ITCH: variants seen among roughly 807,000 people sequenced by gnomAD.
The protein encoded by ITCH is E3 ubiquitin-protein ligase Itchy homolog.
Under a neutral mutation model 126.8 loss-of-function variants are expected in ITCH, and 28 were observed. The ratio of observed to expected loss-of-function variants is 0.22; its 90% CI spans 0.16 to 0.30. The LOEUF is 0.30. ITCH is among the 10% of genes least tolerant of loss of function. ITCH has a pLI of 1.00. For synonymous variants in ITCH, 342 were observed against 340.0 expected (o/e 1.01, Z -0.06); for missense variants, 631 against 1,032.4 (o/e 0.61, Z 5.33).
intron 3 of ITCH, 125 bp from the exon 4 acceptor site, chr20:34,408,526 G>A (rs1978481124): frequency 1.2e-6 from 1 of 855,016 alleles, no homozygotes; most frequent in South Asian, 1.5e-5. Flanking sequence ...AAATTGGTAA[G>A]TATTTTAGAG....
At chr20:34,412,983 C>T (rs1163745993) in intron 5 of ITCH, among the ~76,000 whole-genome samples, 2 of 151,270 alleles carry the variant, frequency 1.3e-5, no homozygotes, top group Admixed American at 6.6e-5. Flanking sequence ...AATATTTTTA[C>T]AGATTTCCTT....
chr20:34,369,120 G>A (rs1601728842), intron 1 of ITCH, among the ~76,000 whole-genome samples: 1 of 152,122 alleles, frequency 6.6e-6, no homozygotes, highest in South Asian at 2.1e-4. Context: ...ACGAGGTCAG[G>A]AGTTCAAGAC....
At chr20:34,446,059 T>TCTACAGC (rs1984414469) in intron 11 of ITCH, among the ~76,000 whole-genome samples, 1 of 152,192 alleles carries the variant, frequency 6.6e-6, no homozygotes, top group East Asian at 1.9e-4. Context: ...AATATTGCAT[T>TCTACAGC]AATAGTGTAA....
rs1234128922 is a variant in ITCH, at chr20:34,511,530, C to G, written c.*3736C>G. The G allele has an allele frequency of 6.6e-6, 1 of 152,110 alleles. No homozygotes were observed. Among genetic ancestry groups the G allele is most frequent in the Non-Finnish European group, 1.5e-5 (1 of 68,032 alleles). 9.4% of individuals were successfully genotyped at this position (152,110 alleles called of 1,614,324 possible). A position where few individuals can be genotyped will look rare whatever the true frequency, so the allele number is the denominator to read the frequency against. On this transcript the variant is annotated 3_prime_UTR_variant, in exon 25 of 25. Transcript: ENST00000374864. Reference sequence around the variant, plus strand: ...CTTTTTTAAGTGGCAAGTTACAGCCCATCTGGATTGTGGTATTGTTCCCAG... The same window carrying G: ...CTTTTTTAAGTGGCAAGTTACAGCCGATCTGGATTGTGGTATTGTTCCCAG...
At chr20:34,397,312 C>T (rs370221296) in intron 3 of ITCH, among the ~76,000 whole-genome samples, 2 of 152,172 alleles carry the variant, frequency 1.3e-5, no homozygotes, top group Middle Eastern at 3.2e-3. Context: ...TGAGCCACCG[C>T]GTCCGGCCTG....
intron 2 of ITCH, among the ~76,000 whole-genome samples, chr20:34,376,939 A>G (rs1333099759): frequency 6.6e-6 from 1 of 152,142 alleles, no homozygotes; most frequent in Non-Finnish European, 1.5e-5. Context: ...AAACTGGGAT[A>G]TGGGAAGATA....
At chr20:34,501,547 G>T (rs1433024060) in intron 23 of ITCH, among the ~76,000 whole-genome samples, 3 of 152,074 alleles carry the variant, frequency 2.0e-5, no homozygotes, top group Non-Finnish European at 4.4e-5. Flanking sequence ...AGGCTGAGGC[G>T]GGCGGATCAC....
Position 34,420,130 on chromosome 20 carries a change from G to A in ITCH, c.476-4350G>A, listed in dbSNP as rs117533444. Among the ~76,000 whole-genome samples, 40 of 152,112 alleles carry A rather than the reference G, an allele frequency of 2.6e-4. No individual in the cohort carries two copies. In the East Asian group the frequency reaches 4.8e-3, roughly 18 times the overall value. ...GAAATTTACATAACATACAATTAACGGTTATATAAAGTGTACACCTTAATG... is the reference window on the plus strand; with the variant it reads ...GAAATTTACATAACATACAATTAACAGTTATATAAAGTGTACACCTTAATG... On this transcript the variant is annotated intron_variant, in intron 6 of 24. Transcript: ENST00000374864.
At chr20:34,380,194 G>A (rs371378694) in intron 2 of ITCH, among the ~76,000 whole-genome samples, 4 of 152,134 alleles carry the variant, frequency 2.6e-5, no homozygotes, top group African/African-American at 9.6e-5. Flanking sequence ...TTTGTGTCTG[G>A]TGTATTTCAC....
At position 34,477,853 on chromosome 20, in the gene ITCH, G is replaced by A; in HGVS notation, c.1651G>A (p.Val551Ile). The A allele has an allele frequency of 1.2e-6, 2 of 1,613,114 alleles. No homozygotes were observed. Among genetic ancestry groups the A allele is most frequent in the East Asian group, 4.5e-5 (2 of 44,844 alleles). Residue 551 changes from valine (V) to isoleucine (I), a missense_variant, in exon 17 of 25, where the codon GTA becomes ATA. Val to Ile is a conservative substitution (Grantham distance 29, BLOSUM62 3). This residue lies in a region of ITCH where 390 missense variants were observed against 731.6 expected (regional missense o/e 0.53). Transcript: ENST00000374864. ...AGAAGAAGGTTTAGATTATGGAGGTGTAGCAAGGTAGTGATAATATGAATA... is the reference window on the plus strand; with the variant it reads ...AGAAGAAGGTTTAGATTATGGAGGTATAGCAAGGTAGTGATAATATGAATA... ...PGEEGLDYGG[V>I]AREWFFLLSH...
chr20:34,486,665 T>TTTA (rs148394049), intron 20 of ITCH, among the ~76,000 whole-genome samples: 10 of 149,206 alleles, frequency 6.7e-5, no homozygotes, highest in South Asian at 6.3e-4. Flanking sequence ...ATTTTATTTA[T>TTTA]TTTATTTATT....
At chr20:34,383,052 T>A (rs1468587128) in intron 2 of ITCH, among the ~76,000 whole-genome samples, 1 of 151,376 alleles carries the variant, frequency 6.6e-6, no homozygotes, top group African/African-American at 2.4e-5. Flanking sequence ...CTTTTTTAAA[T>A]TTTTTTTCAG....
At chr20:34,397,273 G>A (rs1281135758) in intron 3 of ITCH, among the ~76,000 whole-genome samples, 1 of 152,008 alleles carries the variant, frequency 6.6e-6, no homozygotes, top group Admixed American at 6.6e-5. Context: ...CACCCACCTC[G>A]GCCTCCCAAA....
intron 3 of ITCH, among the ~76,000 whole-genome samples, chr20:34,407,277 T>C (rs1295504332): frequency 1.3e-5 from 2 of 152,166 alleles, no homozygotes; most frequent in Non-Finnish European, 2.9e-5. Flanking sequence ...ATTATTATTA[T>C]TATTTTTGAT....
At chr20:34,456,560 G>A (rs1270936134) in intron 12 of ITCH, among the ~76,000 whole-genome samples, 5 of 147,418 alleles carry the variant, frequency 3.4e-5, no homozygotes, top group African/African-American at 1.2e-4. Flanking sequence ...CTGAACCTGG[G>A]AGGTCAAGGC....
At chr20:34,402,202 A>G (rs929694609) in intron 3 of ITCH, 8 of 1,412,252 alleles carry the variant, frequency 5.7e-6, no homozygotes, top group African/African-American at 4.3e-5. Context: ...AGGGCAGCCA[A>G]TATTGCTTCG....
At chr20:34,371,672 GTAT>G (rs1218115866) in intron 2 of ITCH, among the ~76,000 whole-genome samples, 2 of 152,118 alleles carry the variant, frequency 1.3e-5, no homozygotes, top group East Asian at 3.8e-4. Context: ...ATATTTAAAA[GTAT>G]TATTAAAGTA....
chr20:34,389,874 A>C lies in ITCH; in HGVS notation c.-21-3917A>C, dbSNP rs1466955381. Reference sequence around the variant, plus strand: ...AATCAAACATTGGTCAGGGCCAGGCACTTTGGGAGGCCAAGGTGGGTGGAT... The same window carrying C: ...AATCAAACATTGGTCAGGGCCAGGCCCTTTGGGAGGCCAAGGTGGGTGGAT... On this transcript the variant is annotated intron_variant, in intron 2 of 24. Transcript: ENST00000374864. 2.7e-5 allele frequency among the ~76,000 whole-genome samples: 4 copies of C among 150,804 alleles called. No homozygotes were observed. The East Asian group carries it at 7.8e-4, about 29-fold the overall frequency.
intron 12 of ITCH, among the ~76,000 whole-genome samples, chr20:34,454,062 T>C (rs1016020426): frequency 1.4e-4 from 21 of 152,006 alleles, no homozygotes; most frequent in African/African-American, 4.8e-4. Context: ...TAAAATTTAA[T>C]GCGACTGCCA....
Sources: gnomAD v4.1 joint callset for allele counts (sites outside exome capture counted in the v4.1 genomes callset) on GRCh38, gnomAD v4.1.1 for gene constraint, gnomAD v4.1.1 regional missense constraint, MANE v1.5 for transcripts, NCBI Gene and HGNC (gene_info 2026-07-23, HGNC 2026-07-21) for gene names.